Variants in SLC5A11 observed in about 807,000 individuals in gnomAD.
SLC5A11 encodes solute carrier family 5 member 11.
SLC5A11 carries 48 observed loss-of-function variants against 69.8 expected under a neutral mutation model. The ratio of observed to expected loss-of-function variants is 0.69; its 90% CI spans 0.55 to 0.87. The LOEUF is 0.87. SLC5A11 is among the 40% of genes least tolerant of loss of function. The pLI is 0.00. For missense variants in SLC5A11, 784 were observed against 866.1 expected (o/e 0.91, Z 1.19); for synonymous variants, 319 against 342.4 (o/e 0.93, Z 0.75).
intron 1 of SLC5A11, among the ~76,000 whole-genome samples, chr16:24,854,971 G>T (rs186516754): frequency 4.3e-4 from 65 of 151,942 alleles, no homozygotes; most frequent in African/African-American, 1.6e-3. Flanking sequence ...GTGTGTGTGT[G>T]TGTTTGTTTG....
At chr16:24,901,056 C>T (rs998138071) in intron 10 of SLC5A11, among the ~76,000 whole-genome samples, 1 of 152,026 alleles carries the variant, frequency 6.6e-6, no homozygotes, top group Non-Finnish European at 1.5e-5. Context: ...TCTGGAAGGC[C>T]CAGGCCTGAA....
At chr16:24,888,814 T>C (rs111797850) in intron 8 of SLC5A11, among the ~76,000 whole-genome samples, 2,252 of 122,166 alleles carry the variant, frequency 0.018, 106 homozygotes, top group African/African-American at 0.076. Flanking sequence ...TTTTTTTTTC[T>C]GAGACGGAGT....
chr16:24,863,805 G>A (rs1258901868), intron 3 of SLC5A11, among the ~76,000 whole-genome samples: 5 of 152,140 alleles, frequency 3.3e-5, no homozygotes, highest in African/African-American at 4.8e-5. Flanking sequence ...CTCTTTAGCT[G>A]TGTTGTAGCC....
intron 10 of SLC5A11, among the ~76,000 whole-genome samples, chr16:24,903,220 A>T: frequency 6.6e-6 from 1 of 151,828 alleles, no homozygotes. Context: ...TTTTTAACTA[A>T]TTATTTTAAT....
intron 9 of SLC5A11, among the ~76,000 whole-genome samples, chr16:24,897,547 G>GT (rs2049269820): frequency 6.6e-6 from 1 of 152,140 alleles, no homozygotes; most frequent in African/African-American, 2.4e-5. Context: ...TACACACCCC[G>GT]TTTGCCTTAA....
intron 8 of SLC5A11, among the ~76,000 whole-genome samples, chr16:24,886,036 C>CT (rs35828435): frequency 0.023 from 3,248 of 139,036 alleles, 55 homozygotes; most frequent in African/African-American, 0.055. Context: ...AATAGGAGTT[C>CT]TTTTTTTTTT....
At chr16:24,901,313 C>T (rs911071223) in intron 10 of SLC5A11, among the ~76,000 whole-genome samples, 2 of 152,032 alleles carry the variant, frequency 1.3e-5, no homozygotes, top group Non-Finnish European at 2.9e-5. Flanking sequence ...GAAATTGAAG[C>T]TTAGAGAAAT....
intron 13 of SLC5A11, 42 bp from the exon 15 acceptor site, chr16:24,908,839 A>G (rs770067527): frequency 6.9e-6 from 11 of 1,593,570 alleles, no homozygotes; most frequent in African/African-American, 6.7e-5. Flanking sequence ...TGGAGGCCAG[A>G]GCCCTTGGCG....
intron 4 of SLC5A11, among the ~76,000 whole-genome samples, chr16:24,871,260 CTTGT>C (rs781458135): frequency 2.0e-5 from 3 of 151,892 alleles, no homozygotes; most frequent in Non-Finnish European, 2.9e-5. Flanking sequence ...GTTATTTCTG[CTTGT>C]TTGTTTTGTT....
At chr16:24,889,373 T>C (rs2048615579) in intron 8 of SLC5A11, among the ~76,000 whole-genome samples, 1 of 151,922 alleles carries the variant, frequency 6.6e-6, no homozygotes, top group African/African-American at 2.4e-5. Flanking sequence ...TCTTAACTAC[T>C]CTGGAGGTTG....
intron 10 of SLC5A11, among the ~76,000 whole-genome samples, chr16:24,901,864 C>T (rs574455657): frequency 3.6e-4 from 55 of 151,510 alleles, no homozygotes; most frequent in African/African-American, 1.2e-3. Context: ...GCAGGAAGAT[C>T]GCTTGAGCCC....
At position 24,849,594 on chromosome 16, in the gene SLC5A11, ATATAT is replaced by A. The variant is rs1288804606; in HGVS notation, c.-25+3157_-25+3161del. 1.9e-3 allele frequency among the ~76,000 whole-genome samples: 100 copies of A among 53,946 alleles called. 1 individual carries two copies. The highest frequency in any genetic ancestry group is 8.0e-3 in the African/African-American group (95 of 11,812). The allele number at this position is 53,946 out of a possible 152,430, so 35.4% of individuals were successfully genotyped here. A position where few individuals can be genotyped will look rare whatever the true frequency, so the allele number is the denominator to read the frequency against. On this transcript the variant is annotated intron_variant, in intron 1 of 15. Coordinates refer to ENST00000347898, the Ensembl canonical transcript of SLC5A11. ...GGGCAAAAAAAAAAAAAAAAAAAAAATATATATATATATATATATATATATATATC... is the reference window on the plus strand; with the variant it reads ...GGGCAAAAAAAAAAAAAAAAAAAAAAATATATATATATATATATATATATC...
intron 3 of SLC5A11, among the ~76,000 whole-genome samples, chr16:24,864,286 A>G (rs1433098252): frequency 2.0e-5 from 3 of 152,212 alleles, no homozygotes; most frequent in Non-Finnish European, 4.4e-5. Flanking sequence ...AGGCAGAGTT[A>G]TAAGCTGGGA....
At chr16:24,870,091 C>T (rs2047177790) in intron 4 of SLC5A11, 86 bp downstream of exon 5, 2 of 971,922 alleles carry the variant, frequency 2.1e-6, no homozygotes, top group South Asian at 2.9e-5. Flanking sequence ...ATGCCCTGCA[C>T]TTTAAAAATA....
At position 24,911,497 on chromosome 16, in the gene SLC5A11, G is replaced by A. The variant is rs34739151; in HGVS notation, c.1992G>A (p.Val664=). The A allele has an allele frequency of 4.4e-4, 709 of 1,614,130 alleles. 6 individuals are homozygous for A. In the African/African-American group the frequency reaches 8.6e-3, roughly 20 times the overall value. Residue 664 remains valine (V), a synonymous_variant, in exon 16 of 16, where the codon GTG becomes GTA. Coordinates refer to ENST00000347898, the Ensembl canonical transcript of SLC5A11. ...TGGACGTCAACCTCATTTTCTGCGTGAGCTGCGCCATCTTTATCTGGGGCT... is the reference window on the plus strand; with the variant it reads ...TGGACGTCAACCTCATTTTCTGCGTAAGCTGCGCCATCTTTATCTGGGGCT...
intron 1 of SLC5A11, among the ~76,000 whole-genome samples, chr16:24,855,434 CAAAAAAAA>C (rs143252263): frequency 1.1e-5 from 1 of 90,124 alleles, no homozygotes; most frequent in Non-Finnish European, 2.6e-5. Flanking sequence ...TTCATCTCTA[CAAAAAAAA>C]AAAAAAAAAA....
chr16:24,888,858 G>A (rs2048579524), intron 8 of SLC5A11, among the ~76,000 whole-genome samples: 1 of 126,064 alleles, frequency 7.9e-6, no homozygotes, highest in Non-Finnish European at 1.6e-5. Flanking sequence ...ATGCAGTGGT[G>A]TGATCTTGGC....
chr16:24,876,594 C>T (rs907245916), intron 6 of SLC5A11, among the ~76,000 whole-genome samples: 13 of 152,098 alleles, frequency 8.5e-5, no homozygotes, highest in Middle Eastern at 3.2e-3. Context: ...GAAGGGGTTC[C>T]GTTCAATCCA....
intron 1 of SLC5A11, among the ~76,000 whole-genome samples, chr16:24,852,281 A>G (rs146892542): frequency 2.6e-4 from 39 of 152,222 alleles, no homozygotes; most frequent in African/African-American, 9.4e-4. Flanking sequence ...GTGACCTGGG[A>G]ACCTCTTTTC....
Sources: gnomAD v4.1 joint callset for allele counts (sites outside exome capture counted in the v4.1 genomes callset) on GRCh38, gnomAD v4.1.1 for gene constraint, MANE v1.5 for transcripts, NCBI Gene and HGNC (gene_info 2026-07-23, HGNC 2026-07-21) for gene names.